The following NAT1 variants were observed in gnomAD, a reference collection of about 807,000 sequenced individuals.
NAT1 encodes the protein N-acetyltransferase 1.
For missense variants in NAT1, 400 were observed against 339.2 expected (o/e 1.18, Z -1.41); for synonymous variants, 144 against 122.6 (o/e 1.17, Z -1.16).
intron 2 of NAT1, among the ~76,000 whole-genome samples, chr8:18,179,952 A>C (rs1236798578): frequency 6.6e-6 from 1 of 152,202 alleles, no homozygotes; most frequent in Non-Finnish European, 1.5e-5. Flanking sequence ...AGATGTCATA[A>C]GGCAACAATA....
chr8:18,184,691 G>A (rs1802661069), intron 2 of NAT1, among the ~76,000 whole-genome samples: 1 of 152,168 alleles, frequency 6.6e-6, no homozygotes, highest in Non-Finnish European at 1.5e-5. Flanking sequence ...GGGAGGCAGG[G>A]CCTAACAAGA....
intron 2 of NAT1, among the ~76,000 whole-genome samples, chr8:18,176,722 T>C (rs1802309049): frequency 6.6e-6 from 1 of 152,072 alleles, no homozygotes. Flanking sequence ...TCCATATGCA[T>C]GTTAGGATTT....
intron 2 of NAT1, among the ~76,000 whole-genome samples, chr8:18,180,841 T>C (rs1286030964): frequency 6.6e-6 from 1 of 152,146 alleles, no homozygotes; most frequent in African/African-American, 2.4e-5. Context: ...TTCTGGATTC[T>C]TTGTTCTGCT....
At position 18,222,673 on chromosome 8, in the gene NAT1, T is replaced by A. The variant is rs763554945; in HGVS notation, c.626T>A (p.Leu209Gln). Residue 209 changes from leucine to glutamine, a missense_variant, in exon 3 of 3, where the codon CTG (leucine) becomes CAG (glutamine). Coordinates refer to ENST00000307719, the MANE Select transcript of NAT1 (RefSeq NM_000662.8). ...IEDFESMNTY[L>Q]QTSPSSVFTS... ...GATTTTGAGTCTATGAATACATACC[T>A]GCAGACATCTCCATCATCTGTGTTT... The A allele has an allele frequency of 6.2e-6, 10 of 1,614,014 alleles. No homozygotes were observed. In the Middle Eastern group the frequency reaches 6.6e-4, roughly 107 times the overall value.
intron 2 of NAT1, among the ~76,000 whole-genome samples, chr8:18,193,525 C>G (rs28576013): frequency 0.051 from 7,302 of 144,518 alleles, 548 homozygotes; most frequent in African/African-American, 0.16. Context: ...ATATATATCA[C>G]ATACTTTTCA....
intron 2 of NAT1, among the ~76,000 whole-genome samples, chr8:18,187,325 G>C (rs1186487292): frequency 6.6e-6 from 1 of 152,062 alleles, no homozygotes; most frequent in East Asian, 1.9e-4. Context: ...CATTTCCATT[G>C]ACCCAGCAAT....
intron 2 of NAT1, among the ~76,000 whole-genome samples, chr8:18,171,401 T>C (rs948187759): frequency 6.6e-6 from 1 of 152,186 alleles, no homozygotes; most frequent in African/African-American, 2.4e-5. Context: ...AAGATTTCTT[T>C]GCAAAAGGCA....
chr8:18,222,287 C>T lies in NAT1; in HGVS notation c.240C>T (p.Thr80=), dbSNP rs755545047. 1 of 1,614,046 alleles carries T rather than the reference C, an allele frequency of 6.2e-7. No homozygotes were observed. The part of the protein sequence containing the change: ...QVNHLLYWAL[T]TIGFETTMLG... Reference sequence around the variant, plus strand: ...ATCATCTTCTGTACTGGGCTCTGACCACTATTGGTTTTGAGACCACGATGT... The same window carrying T: ...ATCATCTTCTGTACTGGGCTCTGACTACTATTGGTTTTGAGACCACGATGT... Residue 80 remains threonine (T), a synonymous_variant, in exon 3 of 3, where the codon ACC becomes ACT. Coordinates refer to ENST00000307719, the MANE Select transcript of NAT1 (RefSeq NM_000662.8).
At chr8:18,200,647 C>G (rs1803421103) in intron 2 of NAT1, among the ~76,000 whole-genome samples, 1 of 152,052 alleles carries the variant, frequency 6.6e-6, no homozygotes, top group South Asian at 2.1e-4. Context: ...GTGTAGTTTA[C>G]CTATCTAACA....
rs55641436 is a variant in NAT1 at position 18,222,397 on chromosome 8, G to A, written c.350G>A (p.Arg117Lys). 1.9e-6 allele frequency: 3 copies of A among 1,614,096 alleles called. No individual in the cohort carries two copies. Among genetic ancestry groups the A allele is most frequent in the African/African-American group, 2.7e-5 (2 of 75,030 alleles). The change falls in exon 3 of 3, where the codon AGG (arginine) becomes AAG (lysine). Residue 117 changes from arginine (R) to lysine (K), a missense_variant. By Grantham distance (26) the Arg-to-Lys change is conservative (BLOSUM62 2). Coordinates refer to ENST00000307719, the MANE Select transcript of NAT1 (RefSeq NM_000662.8). ...CTCCTGCAGGTGACCATTGATGGCA[G>A]GAACTACATTGTCGATGCTGGGTTT... is the stretch of plus-strand genomic sequence containing the variant. The part of the protein sequence containing the change: ...HLLLQVTIDG[R>K]NYIVDAGFGR...
chr8:18,213,596 T>A (rs184698436), intron 1 of NAT1, among the ~76,000 whole-genome samples: 116 of 152,310 alleles, frequency 7.6e-4, no homozygotes, highest in African/African-American at 2.5e-3. Flanking sequence ...AAACATTTTA[T>A]AAAAGTTTCT....
intron 2 of NAT1, among the ~76,000 whole-genome samples, chr8:18,193,438 G>A (rs1803098038): frequency 7.0e-6 from 1 of 143,376 alleles, no homozygotes; most frequent in Admixed American, 7.1e-5. Flanking sequence ...ACCTGGGTGA[G>A]AGAGTGAGAC....
At chr8:18,192,756 T>C (rs1371788796) in intron 2 of NAT1, among the ~76,000 whole-genome samples, 1 of 150,566 alleles carries the variant, frequency 6.6e-6, no homozygotes, top group East Asian at 2.0e-4. Context: ...AACCAAACAC[T>C]GCATGTTCTC....
At chr8:18,219,374 G>A (rs1464272312) in intron 1 of NAT1, 37 bp from the exon 2 acceptor site, 9 of 1,359,532 alleles carry the variant, frequency 6.6e-6, no homozygotes, top group Non-Finnish European at 9.1e-6. Context: ...AGGAAGTCAT[G>A]TTATATATTT....
chr8:18,186,016 G>A (rs545944868), intron 2 of NAT1, among the ~76,000 whole-genome samples: 4 of 152,206 alleles, frequency 2.6e-5, no homozygotes, highest in South Asian at 2.1e-4. Flanking sequence ...CACACAGTAC[G>A]TATGATTTCA....
intron 2 of NAT1, among the ~76,000 whole-genome samples, chr8:18,195,476 C>A (rs1021422690): frequency 5.9e-5 from 9 of 151,906 alleles, no homozygotes; most frequent in African/African-American, 2.2e-4. Flanking sequence ...AATAGCTGGA[C>A]AAAGGAAGAA....
Position 18,200,296 on chromosome 8 carries a change from G to A in NAT1, n.93-9485G>A, listed in dbSNP as rs148879904. On this transcript the variant is annotated intron_variant and non_coding_transcript_variant, in intron 2 of 4. Transcript: ENST00000517441. The stretch of plus-strand genomic sequence containing the variant: ...GCAAAGATATGGAATCAACCTAGGT[G>A]CCCATCAATGATAGACTGGATTAAA... Among the ~76,000 whole-genome samples, 9 of 144,372 alleles carry A rather than the reference G, an allele frequency of 6.2e-5. 1 individual carries two copies. The highest frequency in any genetic ancestry group is 5.8e-4 in the Admixed American group (8 of 13,912). 94.7% of individuals were successfully genotyped at this position (144,372 alleles called of 152,430 possible). A position where few individuals can be genotyped will look rare whatever the true frequency, so the allele number is the denominator to read the frequency against.
intron 2 of NAT1, among the ~76,000 whole-genome samples, chr8:18,173,295 G>A (rs1040554100): frequency 2.6e-5 from 4 of 152,188 alleles, no homozygotes; most frequent in Admixed American, 6.6e-5. Flanking sequence ...AGGGTGTCTC[G>A]TTCCTCGAAT....
At chr8:18,173,131 C>T (rs1005891137) in intron 2 of NAT1, among the ~76,000 whole-genome samples, 18 of 145,872 alleles carry the variant, frequency 1.2e-4, no homozygotes, top group African/African-American at 7.9e-5. Flanking sequence ...TTAGAGCACA[C>T]GTGCACACAG....
Sources: allele counts gnomAD v4.1 joint callset (sites outside exome capture counted in the v4.1 genomes callset), GRCh38; gene constraint gnomAD v4.1.1; transcripts MANE v1.5; gene names NCBI Gene and HGNC (gene_info 2026-07-23, HGNC 2026-07-21).